The following PPP2R3B variants were observed in gnomAD, a reference collection of about 807,000 sequenced individuals.
PPP2R3B encodes protein phosphatase 2 regulatory subunit B''beta, also known as serine/threonine-protein phosphatase 2A regulatory subunit B'' subunit beta.
PPP2R3B carries 68 observed loss-of-function variants against 72.9 expected under a neutral mutation model. That is an observed-to-expected ratio of 0.93 (90% CI 0.77 to 1.14). The LOEUF is 1.14. Among genes scored for constraint, PPP2R3B ranks in the 50% most tolerant of loss-of-function variants. The probability of loss-of-function intolerance (pLI) is 0.00; values close to 1 mark genes in which losing one functional copy is unlikely to be tolerated. For synonymous variants in PPP2R3B, 466 were observed against 375.8 expected (o/e 1.24, Z -2.78); for missense variants, 1,018 against 842.0 (o/e 1.21, Z -2.59).
In PPP2R3B at chrX:346,740, C is replaced by A. The variant is rs776781795; in HGVS notation, c.753G>T (p.Leu251=). The change falls in exon 5 of 13, where the codon CTG becomes CTT. Residue 251 remains leucine (L), a synonymous_variant. Coordinates refer to ENST00000390665, the MANE Select transcript of PPP2R3B (RefSeq NM_013239.5). ...GCGAGTGGAACTCGGACGCCTCCTTCAGGAACGACAGCCCCGGGTGCGTGT... is the reference window on the plus strand; with the variant it reads ...GCGAGTGGAACTCGGACGCCTCCTTAAGGAACGACAGCCCCGGGTGCGTGT... ...VVNTHPGLSF[L]KEASEFHSRY... The A allele has an allele frequency of 3.7e-5, 59 of 1,610,558 alleles. No homozygotes were observed. Among genetic ancestry groups the A allele is most frequent in the Non-Finnish European group, 4.8e-5 (57 of 1,178,872 alleles).
intron 8 of PPP2R3B, 93 bp from the exon 9 acceptor site, chrX:341,489 G>GCCA: frequency 2.4e-6 from 3 of 1,259,602 alleles, no homozygotes; most frequent in South Asian, 2.4e-5. Context: ...GGTGAGGGGA[G>GCCA]CCCCCCGGGC....
At chrX:335,565 A>AC in intron 12 of PPP2R3B, 1 of 152,326 alleles carries the variant, frequency 6.6e-6, no homozygotes, top group South Asian at 2.1e-4. Flanking sequence ...CGGGAACCCA[A>AC]CGGTAACCAG....
intron 2 of PPP2R3B, among the ~76,000 whole-genome samples, chrX:353,424 A>G (rs1389442092): frequency 6.6e-6 from 1 of 152,202 alleles, no homozygotes; most frequent in Non-Finnish European, 1.5e-5. Context: ...TATTGAAACA[A>G]TTCATGCTGT....
intron 1 of PPP2R3B, among the ~76,000 whole-genome samples, chrX:367,656 CAG>C (rs2071750752): frequency 6.6e-6 from 1 of 152,160 alleles, no homozygotes; most frequent in Admixed American, 6.6e-5. Context: ...GAGCAGGAGA[CAG>C]AGGTGCAGGA....
At chrX:377,030 C>T (rs1246875284) in intron 1 of PPP2R3B, among the ~76,000 whole-genome samples, 15 of 93,458 alleles carry the variant, frequency 1.6e-4, no homozygotes, top group Non-Finnish European at 2.1e-5. Context: ...CCAGTGGGGC[C>T]GCCATGGGGC....
intron 1 of PPP2R3B, among the ~76,000 whole-genome samples, chrX:376,316 C>G (rs940773944): frequency 6.6e-6 from 1 of 151,924 alleles, no homozygotes; most frequent in Non-Finnish European, 1.5e-5. Context: ...AGTCCCACTG[C>G]CCCCCTGGAG....
rs150692265 is a variant in PPP2R3B at position 338,887 on chromosome X, G to A, written c.1361C>T (p.Thr454Met). The A allele has an allele frequency of 1.4e-4, 230 of 1,612,278 alleles. 1 individual carries two copies. The South Asian group carries it at 1.6e-3, about 11-fold the overall frequency. ...LVKPRTEGKITLQDLKRCKLA... is the reference protein window; with the variant it reads ...LVKPRTEGKIMLQDLKRCKLA... Reference sequence around the variant, plus strand: ...CTTGCAGCGCTTCAGGTCCTGCAGCGTGATCTTCCCTGCGGGGAGGGGAGT... The same window carrying A: ...CTTGCAGCGCTTCAGGTCCTGCAGCATGATCTTCCCTGCGGGGAGGGGAGT... Residue 454 changes from threonine to methionine, a missense_variant, in exon 11 of 13, where the codon ACG becomes ATG. Transcript: ENST00000390665.
intron 12 of PPP2R3B, 34 bp downstream of exon 12, chrX:338,570 C>A (rs936089802): frequency 2.8e-6 from 4 of 1,443,300 alleles, no homozygotes; most frequent in Non-Finnish European, 3.8e-6. Context: ...CTCCCACTGA[C>A]CCGTCCCCCC....
rs1450776728 is a variant in PPP2R3B, at chrX:334,435, G to A, written c.1660C>T (p.Pro554Ser). 5 of 1,595,842 alleles carry A rather than the reference G, an allele frequency of 3.1e-6. No homozygotes were observed. In the Admixed American group the frequency reaches 5.1e-5, roughly 16 times the overall value. The change falls in exon 13 of 13, where the codon CCC becomes TCC. Residue 554 changes from proline to serine, a missense_variant. Physicochemically the swap from Pro to Ser is moderately conservative, Grantham distance 74. Transcript: ENST00000390665. ...AGGTCCACGGCGCCCAGCGGTGAGG[G>A]CGCCTCGAAGAAGGGCCTCTGGGCC... is the stretch of plus-strand genomic sequence containing the variant. Reference protein sequence around the residue: ...PLAQRPFFEAPSPLGAVDLYE... With the variant: ...PLAQRPFFEASSPLGAVDLYE...
intron 2 of PPP2R3B, among the ~76,000 whole-genome samples, chrX:356,147 C>A (rs1256438757): frequency 6.6e-6 from 1 of 152,250 alleles, no homozygotes; most frequent in African/African-American, 2.4e-5. Context: ...TGGCCACGTG[C>A]CCGCAGGGGT....
chrX:346,109 A>C, intron 6 of PPP2R3B, 65 bp downstream of exon 6: 2 of 851,502 alleles, frequency 2.3e-6, no homozygotes, highest in Non-Finnish European at 3.3e-6. Flanking sequence ...GAGGGAAGGG[A>C]AGGGAGTGGA....
At chrX:372,925 CAAAT>C (rs1232676398) in intron 1 of PPP2R3B, among the ~76,000 whole-genome samples, 1 of 152,116 alleles carries the variant, frequency 6.6e-6, no homozygotes, top group Non-Finnish European at 1.5e-5. Context: ...GGCTTCGTCT[CAAAT>C]AAATAAATAT....
chrX:345,658 C>T lies in PPP2R3B; in HGVS notation c.894G>A (p.Leu298=). Residue 298 remains leucine (L), a synonymous_variant, in exon 7 of 13, where the codon CTG becomes CTA. Coordinates refer to ENST00000390665, the MANE Select transcript of PPP2R3B (RefSeq NM_013239.5). ...RSSFLQNVAL[L]EEEADINQLT... Reference sequence around the variant, plus strand: ...GCTGGTTGATGTCCGCCTCCTCCTCCAGCAGCGCCACATTCTGCCAAAGGA... The same window carrying T: ...GCTGGTTGATGTCCGCCTCCTCCTCTAGCAGCGCCACATTCTGCCAAAGGA... 1.2e-6 allele frequency: 2 copies of T among 1,612,728 alleles called. No homozygotes were observed. The highest frequency in any genetic ancestry group is 3.3e-4 in the Middle Eastern group (2 of 6,056).
In PPP2R3B at chrX:345,308, G is replaced by A. The variant is rs1429493215; in HGVS notation, c.1036+208C>T. ...TAGACGCCCCCAGGCAGAGGCCTCGGGCAGAGGCGCACGCGGGGACCCAGA... is the reference window on the plus strand; with the variant it reads ...TAGACGCCCCCAGGCAGAGGCCTCGAGCAGAGGCGCACGCGGGGACCCAGA... On this transcript the variant is annotated intron_variant, in intron 7 of 12. Coordinates refer to ENST00000390665, the MANE Select transcript of PPP2R3B (RefSeq NM_013239.5). 6 of 764,624 alleles carry A rather than the reference G, an allele frequency of 7.8e-6. No homozygotes were observed. The African/African-American group carries it at 1.0e-4, about 13-fold the overall frequency. The allele number at this position is 764,624 out of a possible 1,614,324, so 47.4% of individuals were successfully genotyped here.
At chrX:346,479 C>G (rs2071217067) in intron 5 of PPP2R3B, 2 of 630,572 alleles carry the variant, frequency 3.2e-6, no homozygotes, top group African/African-American at 3.8e-5. Context: ...GCTACACGGG[C>G]CCAGGACAGG....
intron 8 of PPP2R3B, chrX:341,659 T>A (rs1301915671): frequency 3.1e-6 from 2 of 653,654 alleles, no homozygotes; most frequent in African/African-American, 1.8e-5. Context: ...ACCCCCGACC[T>A]GGGGCCTGGG....
chrX:366,944 C>A (rs2071727707), intron 1 of PPP2R3B, among the ~76,000 whole-genome samples: 1 of 151,798 alleles, frequency 6.6e-6, no homozygotes, highest in Non-Finnish European at 1.5e-5. Context: ...AGGAGAATCG[C>A]TTAAACCCGG....
chrX:358,923 CG>C (rs1445758224), intron 2 of PPP2R3B, among the ~76,000 whole-genome samples: 1 of 24,532 alleles, frequency 4.1e-5, no homozygotes, highest in East Asian at 1.1e-3. Flanking sequence ...GGCGCCCTGG[CG>C]GGGAAGCACC....
intron 1 of PPP2R3B, among the ~76,000 whole-genome samples, chrX:365,083 C>G (rs1479529288): frequency 2.7e-5 from 2 of 74,438 alleles, no homozygotes; most frequent in Non-Finnish European, 5.6e-5. Context: ...TGTGGTGGCG[C>G]ATGCCTGTAA....
Sources: gnomAD v4.1 joint callset for allele counts (sites outside exome capture counted in the v4.1 genomes callset) on GRCh38, gnomAD v4.1.1 for gene constraint, MANE v1.5 for transcripts, NCBI Gene and HGNC (gene_info 2026-07-23, HGNC 2026-07-21) for gene names.